Variants in MYO1D observed in about 807,000 individuals in gnomAD.
The protein encoded by MYO1D is unconventional myosin-Id.
A neutral mutation model predicts 122.0 loss-of-function variants in MYO1D; 83 were observed. That is an observed-to-expected ratio of 0.68 (90% CI 0.57 to 0.82). The LOEUF (loss-of-function observed/expected upper bound fraction) is 0.82, where lower values mean the gene tolerates loss of function less well. Ranked by LOEUF, MYO1D falls within the 40% of genes least tolerant of loss-of-function variation. The probability of loss-of-function intolerance (pLI) is 0.00; values close to 1 mark genes in which losing one functional copy is unlikely to be tolerated. For missense variants in MYO1D, 1,157 were observed against 1,269.5 expected (o/e 0.91, Z 1.35); for synonymous variants, 464 against 446.9 (o/e 1.04, Z -0.48).
chr17:32,719,206 G>T (rs1384373078), intron 15 of MYO1D, among the ~76,000 whole-genome samples: 1 of 152,088 alleles, frequency 6.6e-6, no homozygotes, highest in African/African-American at 2.4e-5. Context: ...TCCAATCCAT[G>T]AGAGAGTCTT....
intron 19 of MYO1D, among the ~76,000 whole-genome samples, chr17:32,641,855 C>T (rs533807328): frequency 6.6e-6 from 1 of 152,086 alleles, no homozygotes; most frequent in African/African-American, 2.4e-5. Context: ...GAGTAGATTG[C>T]AAAAATTTTC....
intron 16 of MYO1D, among the ~76,000 whole-genome samples, chr17:32,693,027 T>C (rs903845711): frequency 6.6e-6 from 1 of 152,234 alleles, no homozygotes; most frequent in African/African-American, 2.4e-5. Flanking sequence ...ACCTCTGTAA[T>C]ACAGTCTTCC....
At chr17:32,585,756 A>T (rs1437711979) in intron 21 of MYO1D, among the ~76,000 whole-genome samples, 2 of 151,814 alleles carry the variant, frequency 1.3e-5, no homozygotes, top group Non-Finnish European at 1.5e-5. Flanking sequence ...AAAAAAAAAA[A>T]AAAGGAAGGG....
intron 1 of MYO1D, among the ~76,000 whole-genome samples, chr17:32,809,749 T>A (rs2090553076): frequency 6.6e-6 from 1 of 152,154 alleles, no homozygotes; most frequent in African/African-American, 2.4e-5. Context: ...ATTGGGCTGT[T>A]TTTAAAATAA....
chr17:32,647,528 A>G (rs2150946056), intron 19 of MYO1D, among the ~76,000 whole-genome samples: 1 of 152,320 alleles, frequency 6.6e-6, no homozygotes, highest in Admixed American at 6.5e-5. Context: ...TAAATGACCT[A>G]ATTCTTAAAA....
intron 20 of MYO1D, among the ~76,000 whole-genome samples, chr17:32,628,101 A>G (rs1045413306): frequency 1.1e-4 from 17 of 152,174 alleles, no homozygotes; most frequent in African/African-American, 3.9e-4. Flanking sequence ...TGTTTTCCAT[A>G]TCAAGCCTCA....
chr17:32,800,477 C>T (rs2090451565), intron 1 of MYO1D, among the ~76,000 whole-genome samples: 1 of 152,040 alleles, frequency 6.6e-6, no homozygotes, highest in Admixed American at 6.6e-5. Context: ...ACCACACTTA[C>T]ATGTGGAATC....
chr17:32,643,570 G>C (rs1397194285), intron 19 of MYO1D, among the ~76,000 whole-genome samples: 1 of 151,950 alleles, frequency 6.6e-6, no homozygotes, highest in African/African-American at 2.4e-5. Flanking sequence ...TTTTTTGGTT[G>C]GTAAGCTATT....
chr17:32,522,726 C>T (rs1910189475), intron 21 of MYO1D, among the ~76,000 whole-genome samples: 1 of 151,896 alleles, frequency 6.6e-6, no homozygotes, highest in African/African-American at 2.4e-5. Flanking sequence ...AGCTTTTGCT[C>T]ATTACCCACT....
intron 1 of MYO1D, among the ~76,000 whole-genome samples, chr17:32,788,764 G>C (rs188812153): frequency 3.1e-3 from 469 of 152,062 alleles, no homozygotes; most frequent in Non-Finnish European, 5.5e-3. Flanking sequence ...TGAATTTTAG[G>C]ATTTTTTTTC....
intron 14 of MYO1D, among the ~76,000 whole-genome samples, chr17:32,735,173 A>C (rs1450836880): frequency 2.0e-5 from 3 of 151,316 alleles, no homozygotes; most frequent in Non-Finnish European, 4.4e-5. Flanking sequence ...AATTCTTGTA[A>C]ATGTTCCATG....
At chr17:32,824,066 C>CAA (rs58786179) in intron 1 of MYO1D, among the ~76,000 whole-genome samples, 46,745 of 91,928 alleles carry the variant, frequency 0.51, 10,556 homozygotes, top group East Asian at 0.7. Flanking sequence ...GACTCCGTCT[C>CAA]AAAAAAAAAA....
chr17:32,593,440 T>C (rs578160175), intron 21 of MYO1D, among the ~76,000 whole-genome samples: 1 of 152,330 alleles, frequency 6.6e-6, no homozygotes, highest in South Asian at 2.1e-4. Context: ...CATACAATTG[T>C]TGCTCTCTAA....
At chr17:32,591,825 G>C (rs910262946) in intron 21 of MYO1D, among the ~76,000 whole-genome samples, 1 of 152,148 alleles carries the variant, frequency 6.6e-6, no homozygotes, top group African/African-American at 2.4e-5. Context: ...AAGCATGTAG[G>C]TTCCTGGAGG....
chr17:32,750,601 G>A (rs1023373866), intron 11 of MYO1D, among the ~76,000 whole-genome samples: 1 of 152,076 alleles, frequency 6.6e-6, no homozygotes, highest in African/African-American at 2.4e-5. Context: ...GGCGACAAGA[G>A]CAAGACTCTG....
chr17:32,597,475 T>C (rs7222212), intron 21 of MYO1D, among the ~76,000 whole-genome samples: 46,522 of 146,768 alleles, frequency 0.32, 7,317 homozygotes, highest in South Asian at 0.37. Context: ...ATGTGTAGCA[T>C]ATCACCATTT....
At chr17:32,755,754 A>G in intron 10 of MYO1D, 92 bp from the exon 11 acceptor site, 3 of 1,142,116 alleles carry the variant, frequency 2.6e-6, no homozygotes, top group Non-Finnish European at 3.7e-6. Flanking sequence ...GAGTTCAGGT[A>G]AAACTACTTT....
intron 19 of MYO1D, among the ~76,000 whole-genome samples, chr17:32,646,188 T>C (rs2150945184): frequency 6.6e-6 from 1 of 152,334 alleles, no homozygotes; most frequent in East Asian, 1.9e-4. Context: ...TTTAACCCAG[T>C]ATTTACAAAA....
chr17:32,665,080 T>A (rs1025946927), intron 16 of MYO1D, among the ~76,000 whole-genome samples: 1 of 152,194 alleles, frequency 6.6e-6, no homozygotes, highest in African/African-American at 2.4e-5. Context: ...CTGCCTGGAA[T>A]AATCTGCTCC....
Sources: gnomAD v4.1 joint callset for allele counts (sites outside exome capture counted in the v4.1 genomes callset) on GRCh38, gnomAD v4.1.1 for gene constraint, MANE v1.5 for transcripts, NCBI Gene and HGNC (gene_info 2026-07-23, HGNC 2026-07-21) for gene names.